Variants in ZNF212 observed in about 807,000 individuals in gnomAD.
ZNF212 encodes the protein zinc finger protein 212, also known as Zinc finger protein C2H2-150.
In ZNF212, 32 loss-of-function variants were observed where a neutral mutation model predicts 47.3. The observed-to-expected ratio is 0.68, with a 90% CI of 0.51 to 0.91. The LOEUF (loss-of-function observed/expected upper bound fraction) is 0.91. Among genes scored for constraint, ZNF212 ranks in the 40% least tolerant of loss-of-function variants. ZNF212 has a pLI of 0.00. For synonymous variants in ZNF212, 242 were observed against 253.8 expected, an observed-to-expected ratio of 0.95 and a Z score of 0.44; for missense variants, 555 against 622.8, an observed-to-expected ratio of 0.89 and a Z score of 1.16.
Position 149,248,094 on chromosome 7 carries a change from C to G in ZNF212, c.25-2065C>G, listed in dbSNP as rs142865126. 6.8e-3 allele frequency among the ~76,000 whole-genome samples: 1,042 copies of G among 152,332 alleles called. 12 individuals are homozygous for G. The highest frequency in any genetic ancestry group is 0.03 in the Admixed American group (458 of 15,312). On this transcript the variant is annotated intron_variant, in intron 1 of 4. Coordinates refer to ENST00000335870, the MANE Select transcript of ZNF212 (RefSeq NM_012256.4). ...CATTCCTGCCAATGACAGCTCACCC[C>G]TGTGGGAGCGCATTAATTTATTTAT...
intron 1 of ZNF212, among the ~76,000 whole-genome samples, chr7:149,245,789 C>T (rs1456887141): frequency 2.0e-5 from 3 of 152,070 alleles, no homozygotes; most frequent in Admixed American, 6.6e-5. Context: ...ATTACAGACT[C>T]GAGCCACTGT....
chr7:149,240,217 C>G (rs1319396020), intron 1 of ZNF212, among the ~76,000 whole-genome samples: 2 of 152,258 alleles, frequency 1.3e-5, no homozygotes, highest in African/African-American at 4.8e-5. Context: ...CGACCACCTC[C>G]TCTTCGGTCC....
intron 4 of ZNF212, 46 bp downstream of exon 4, chr7:149,252,841 A>G (rs781554984): frequency 6.3e-7 from 1 of 1,591,710 alleles, no homozygotes; most frequent in Non-Finnish European, 8.6e-7. Flanking sequence ...AGCCCTCTGT[A>G]GCCTAGAGTG....
Position 149,239,660 on chromosome 7 carries a change from C to G in ZNF212, c.-119C>G. On this transcript the variant is annotated 5_prime_UTR_variant, in exon 1 of 5. Transcript: ENST00000335870. ...GGAGGTCGCTGCTCCCAGAATGCACCTGGCATCAACACGGCGGCGGCGGCG... is the reference window on the plus strand; with the variant it reads ...GGAGGTCGCTGCTCCCAGAATGCACGTGGCATCAACACGGCGGCGGCGGCG... The G allele has an allele frequency of 6.7e-6, 5 of 749,080 alleles. No homozygotes were observed. Among genetic ancestry groups the G allele is most frequent in the Non-Finnish European group, 8.9e-6 (5 of 559,866 alleles). 46.4% of individuals were successfully genotyped at this position (749,080 alleles called of 1,614,324 possible).
At chr7:149,249,286 G>A (rs1796719346) in intron 1 of ZNF212, among the ~76,000 whole-genome samples, 1 of 152,156 alleles carries the variant, frequency 6.6e-6, no homozygotes, top group Non-Finnish European at 1.5e-5. Flanking sequence ...CTGCTAGAGT[G>A]CAAAGATGAA....
intron 3 of ZNF212, chr7:149,251,191 C>CT (rs1796751731): frequency 3.1e-5 from 7 of 227,470 alleles, no homozygotes; most frequent in South Asian, 1.4e-4. Flanking sequence ...TTTTTTTTTT[C>CT]TTTTTTTCTT....
intron 1 of ZNF212, among the ~76,000 whole-genome samples, chr7:149,240,595 C>T (rs1439850392): frequency 1.3e-5 from 2 of 152,202 alleles, no homozygotes. Flanking sequence ...GCTAGATGAT[C>T]TCCAAGGCTT....
chr7:149,244,556 G>A (rs113588251), intron 1 of ZNF212, among the ~76,000 whole-genome samples: 4 of 151,828 alleles, frequency 2.6e-5, no homozygotes, highest in Admixed American at 2.0e-4. Flanking sequence ...CTCATGATCC[G>A]CCCACCTTGG....
intron 1 of ZNF212, 104 bp from the exon 2 acceptor site, chr7:149,250,055 T>C: frequency 8.6e-7 from 1 of 1,157,882 alleles, no homozygotes; most frequent in Non-Finnish European, 1.1e-6. Context: ...TGCTTTTTTT[T>C]AATTAAAAGA....
At position 149,245,767 on chromosome 7, in the gene ZNF212, C is replaced by G. The variant is rs143035131; in HGVS notation, c.25-4392C>G. Among the ~76,000 whole-genome samples the G allele has an allele frequency of 2.0e-5, 3 of 152,144 alleles. No homozygotes were observed. In the South Asian group the frequency reaches 6.2e-4, roughly 31 times the overall value. ...AGCTGTCCTCCCGCCTCAAGCCTCC[C>G]GAAGTGCTGGGATTACAGACTCGAG... On this transcript the variant is annotated intron_variant, in intron 1 of 4. Coordinates refer to ENST00000335870, the MANE Select transcript of ZNF212 (RefSeq NM_012256.4).
rs139500742 is a variant in ZNF212, at chr7:149,254,310, G to C, written c.1383G>C (p.Glu461Asp). The change falls in exon 5 of 5, where the codon GAG becomes GAC. Residue 461 changes from glutamate (E) to aspartate (D), a missense_variant. Coordinates refer to ENST00000335870, the MANE Select transcript of ZNF212 (RefSeq NM_012256.4). The surrounding 1 kb of genome is among the most constrained non-coding windows in gnomAD (Gnocchi z 4.5). ...GGCCCTACAGCTGCACTGAGTGTGA[G>C]AAGAGCTTTGTCCAGAAGCAGCACC... ...GERPYSCTEC[E>D]KSFVQKQHLL... 181 of 1,613,962 alleles carry C rather than the reference G, an allele frequency of 1.1e-4. No individual in the cohort carries two copies. The African/African-American group carries it at 2.1e-3, about 19-fold the overall frequency.
At chr7:149,252,194 A>G (rs762449551) in intron 3 of ZNF212, among the ~76,000 whole-genome samples, 2 of 152,200 alleles carry the variant, frequency 1.3e-5, no homozygotes, top group Non-Finnish European at 2.9e-5. Flanking sequence ...ACCTAGGTAC[A>G]TGGAGGAGTG....
intron 1 of ZNF212, among the ~76,000 whole-genome samples, chr7:149,242,822 G>C (rs758469680): frequency 1.1e-4 from 16 of 152,170 alleles, no homozygotes; most frequent in Non-Finnish European, 2.1e-4. Flanking sequence ...TTGTTAAAGG[G>C]CCTTCTATGT....
chr7:149,252,050 T>C (rs183345297), intron 3 of ZNF212, among the ~76,000 whole-genome samples: 33 of 152,174 alleles, frequency 2.2e-4, no homozygotes, highest in Non-Finnish European at 4.3e-4. Flanking sequence ...GCCGGAATTA[T>C]AGCTGGTCAT....
chr7:149,250,065 A>G, intron 1 of ZNF212, 94 bp from the exon 2 acceptor site: 2 of 1,237,360 alleles, frequency 1.6e-6, no homozygotes, highest in Non-Finnish European at 2.1e-6. Flanking sequence ...TAATTAAAAG[A>G]AACTAGATAA....
At chr7:149,239,853 T>TC (rs1278758388) in intron 1 of ZNF212, 51 bp downstream of exon 1, 1 of 1,262,424 alleles carries the variant, frequency 7.9e-7, no homozygotes, top group African/African-American at 1.5e-5. Context: ...GATGGCGGAG[T>TC]CCCCTGCCGG....
Position 149,253,548 on chromosome 7 carries a change from C to A in ZNF212, c.632-11C>A. 1 of 1,589,286 alleles carries A rather than the reference C, an allele frequency of 6.3e-7. No homozygotes were observed. The highest frequency in any genetic ancestry group is 1.3e-5 in the African/African-American group (1 of 74,284). On this transcript the variant is annotated splice_polypyrimidine_tract_variant and intron_variant, in intron 4 of 4. Coordinates refer to ENST00000335870, the MANE Select transcript of ZNF212 (RefSeq NM_012256.4). The stretch of plus-strand genomic sequence containing the variant: ...TGTGATCTTTTTTGTTGGTCTTCTT[C>A]CACTTTGCAGCAGGTGGGGTCATGA...
chr7:149,240,382 A>ACCCCCCCCCCCACCCCCCCCCCCCCC (rs71194632), intron 1 of ZNF212, among the ~76,000 whole-genome samples: 2 of 109,348 alleles, frequency 1.8e-5, no homozygotes, highest in Non-Finnish European at 3.9e-5. Context: ...TCTCTCCTTC[A>ACCCCCCCCCCCACCCCCCCCCCCCCC]CCCCCCCCCC....
At chr7:149,243,366 A>G (rs1362149482) in intron 1 of ZNF212, among the ~76,000 whole-genome samples, 2 of 145,198 alleles carry the variant, frequency 1.4e-5, no homozygotes, top group Non-Finnish European at 3.0e-5. Flanking sequence ...CCTGGGAGGC[A>G]AAGGTTGCAG....
Sources: gnomAD v4.1 joint callset for allele counts (sites outside exome capture counted in the v4.1 genomes callset) on GRCh38, gnomAD v4.1.1 for gene constraint, Gnocchi (gnomAD v3.1) non-coding constraint, MANE v1.5 for transcripts, NCBI Gene and HGNC (gene_info 2026-07-23, HGNC 2026-07-21) for gene names.